AFF4: variants seen among roughly 807,000 people sequenced by gnomAD.
AFF4 encodes ALF transcription elongation factor 4, also known as AF4/FMR2 family member 4.
Under a neutral mutation model 124.8 loss-of-function variants are expected in AFF4, and 13 were observed. The ratio of observed to expected loss-of-function variants is 0.10; its 90% confidence interval spans 0.07 to 0.17. The LOEUF is 0.17. Among genes scored for constraint, AFF4 ranks in the 10% least tolerant of loss-of-function variants. The probability of loss-of-function intolerance (pLI) is 1.00; values close to 1 mark genes in which losing one functional copy is unlikely to be tolerated. For synonymous variants in AFF4, 477 were observed against 496.1 expected (o/e 0.96, Z 0.51); for missense variants, 1,092 against 1,403.8 (o/e 0.78, Z 3.55).
intron 5 of AFF4, among the ~76,000 whole-genome samples, chr5:132,921,337 A>G (rs915840725): frequency 2.0e-5 from 3 of 152,292 alleles, no homozygotes; most frequent in African/African-American, 4.8e-5. Flanking sequence ...CTAGAAGGCT[A>G]AAGTTTTAAA....
At chr5:132,924,244 ACT>A (rs1454913737) in intron 5 of AFF4, among the ~76,000 whole-genome samples, 3 of 152,004 alleles carry the variant, frequency 2.0e-5, no homozygotes, top group Admixed American at 6.6e-5. Context: ...ACAGACTGAG[ACT>A]CTGTCTCAAA....
In AFF4 at chr5:132,963,267, C is replaced by T. The variant is rs914655529; in HGVS notation, c.-13G>A. 3 of 394,338 alleles carry T rather than the reference C, an allele frequency of 7.6e-6. No homozygotes were observed. In the East Asian group the frequency reaches 1.1e-4, roughly 14 times the overall value. The allele number at this position is 394,338 out of a possible 1,614,324, so 24.4% of individuals were successfully genotyped here. ...CTGTCGGCCCTTCTTACCTCCAGTC[C>T]CGGCTCCGCTAGGCCCGAACCATCT... On this transcript the variant is annotated 5_prime_UTR_variant, in exon 1 of 21. Coordinates refer to ENST00000265343, the MANE Select transcript of AFF4 (RefSeq NM_014423.4).
chr5:132,882,926 T>C (rs1561477686), intron 20 of AFF4, among the ~76,000 whole-genome samples: 1 of 148,692 alleles, frequency 6.7e-6, no homozygotes, highest in African/African-American at 2.4e-5. Context: ...CCAATATACC[T>C]AAAAATCCAG....
At chr5:132,943,103 C>A (rs1303734896) in intron 1 of AFF4, 2 of 176,012 alleles carry the variant, frequency 1.1e-5, no homozygotes, top group Non-Finnish European at 2.5e-5. Flanking sequence ...AGCATGATTA[C>A]AGGCACATCT....
At chr5:132,945,685 G>T (rs1761680524) in intron 1 of AFF4, among the ~76,000 whole-genome samples, 2 of 152,134 alleles carry the variant, frequency 1.3e-5, no homozygotes, top group Admixed American at 1.3e-4. Context: ...CTGGGAGGTG[G>T]AGGTTGCAGT....
chr5:132,907,023 A>T (rs996621917), intron 5 of AFF4, among the ~76,000 whole-genome samples: 2 of 152,336 alleles, frequency 1.3e-5, no homozygotes, highest in African/African-American at 4.8e-5. Context: ...TAAATGGCCT[A>T]AAAGTTAATA....
rs890678347 is a variant in AFF4, at chr5:132,895,661, G to A, written c.2307+662C>T. Reference sequence around the variant, plus strand: ...AAAAGATCAGGCTGTTTTTCCCACAGTCTCTATATATGTAGTGATTCAGAT... The same window carrying A: ...AAAAGATCAGGCTGTTTTTCCCACAATCTCTATATATGTAGTGATTCAGAT... On this transcript the variant is annotated intron_variant, in intron 11 of 20. Transcript: ENST00000265343. Among the ~76,000 whole-genome samples, 4 of 152,166 alleles carry A rather than the reference G, an allele frequency of 2.6e-5. No homozygotes were observed. The East Asian group carries it at 5.8e-4, about 22-fold the overall frequency.
chr5:132,950,987 G>A (rs1469511028), intron 1 of AFF4, among the ~76,000 whole-genome samples: 1 of 152,202 alleles, frequency 6.6e-6, no homozygotes, highest in Non-Finnish European at 1.5e-5. Flanking sequence ...CACTCTGGGA[G>A]GCTAAGACGG....
chr5:132,916,044 G>A (rs1222856424), intron 5 of AFF4, among the ~76,000 whole-genome samples: 1 of 151,610 alleles, frequency 6.6e-6, no homozygotes, highest in Non-Finnish European at 1.5e-5. Flanking sequence ...CACGAGTTCA[G>A]GACCAGCCTG....
chr5:132,887,493 A>G, intron 17 of AFF4, 28 bp downstream of exon 17: 2 of 1,592,110 alleles, frequency 1.3e-6, no homozygotes, highest in Non-Finnish European at 1.7e-6. Flanking sequence ...TCCTGTATCT[A>G]GCAGAGGCTA....
rs1561482282 is a variant in AFF4 at position 132,892,174 on chromosome 5, T to C, written c.2627A>G (p.Lys876Arg). ...CCCCCAACACTTTACCTTAACCTCC[T>C]TGGAGCTACTGGAAGTCTTCCCTTC... Reference protein sequence around the residue: ...KTEGKTSSSSKEVKEKAPSSS... With the variant: ...KTEGKTSSSSREVKEKAPSSS... The change falls in exon 13 of 21, where the codon AAG (lysine) becomes AGG (arginine). Residue 876 changes from lysine (K) to arginine (R), a missense_variant. Transcript: ENST00000265343. 4 of 1,614,158 alleles carry C rather than the reference T, an allele frequency of 2.5e-6. No homozygotes were observed. Among genetic ancestry groups the C allele is most frequent in the East Asian group, 2.2e-5 (1 of 44,870 alleles).
At chr5:132,892,465 T>C in intron 12 of AFF4, 61 bp from the exon 13 acceptor site, 1 of 1,533,028 alleles carries the variant, frequency 6.5e-7, no homozygotes. Flanking sequence ...AATTGATTTT[T>C]CCATTTCTCT....
chr5:132,893,675 G>A (rs1239307499), intron 11 of AFF4, among the ~76,000 whole-genome samples: 1 of 152,096 alleles, frequency 6.6e-6, no homozygotes, highest in Non-Finnish European at 1.5e-5. Flanking sequence ...TAGAGACGGG[G>A]TTTCACCATG....
intron 5 of AFF4, among the ~76,000 whole-genome samples, chr5:132,916,580 C>T (rs1195734030): frequency 6.6e-6 from 1 of 152,092 alleles, no homozygotes; most frequent in East Asian, 1.9e-4. Flanking sequence ...TCAGCCCACT[C>T]CAAAATCCTT....
At chr5:132,948,007 G>A (rs1761740931) in intron 1 of AFF4, among the ~76,000 whole-genome samples, 1 of 151,940 alleles carries the variant, frequency 6.6e-6, no homozygotes, top group African/African-American at 2.4e-5. Flanking sequence ...ATTTCTTACT[G>A]TATTTCATAA....
At chr5:132,911,582 CAG>C (rs1270919167) in intron 5 of AFF4, among the ~76,000 whole-genome samples, 1 of 150,208 alleles carries the variant, frequency 6.7e-6, no homozygotes, top group Non-Finnish European at 1.5e-5. Context: ...AAAGAAAGAA[CAG>C]AACATCAGTG....
Position 132,900,550 on chromosome 5 carries a change from ACT to A in AFF4, c.1134-911_1134-910del, listed in dbSNP as rs1426894442. The stretch of plus-strand genomic sequence containing the variant: ...ACTCCAGCCTAGGCGACAGAGCGAG[ACT>A]CTGTCTCAAAAAAACAAAACAAAAC... On this transcript the variant is annotated intron_variant, in intron 7 of 20. Coordinates refer to ENST00000265343, the MANE Select transcript of AFF4 (RefSeq NM_014423.4). 3.9e-5 allele frequency among the ~76,000 whole-genome samples: 6 copies of A among 152,082 alleles called. No homozygotes were observed. The East Asian group carries it at 7.7e-4, about 20-fold the overall frequency.
At chr5:132,922,866 A>G (rs1309802310) in intron 5 of AFF4, among the ~76,000 whole-genome samples, 2 of 150,942 alleles carry the variant, frequency 1.3e-5, no homozygotes, top group African/African-American at 4.9e-5. Context: ...ACATAACTGA[A>G]TATTACCTTA....
chr5:132,926,458 G>A (rs1761172694), intron 5 of AFF4, among the ~76,000 whole-genome samples: 1 of 152,040 alleles, frequency 6.6e-6, no homozygotes, highest in Non-Finnish European at 1.5e-5. Context: ...TATGGAAACA[G>A]GTTCTTAAAA....
Sources: allele counts gnomAD v4.1 joint callset (sites outside exome capture counted in the v4.1 genomes callset), GRCh38; gene constraint gnomAD v4.1.1; transcripts MANE v1.5; gene names NCBI Gene and HGNC (gene_info 2026-07-23, HGNC 2026-07-21).